VPS36: variants seen among roughly 807,000 people sequenced by gnomAD.
VPS36 encodes vacuolar protein-sorting-associated protein 36.
A neutral mutation model predicts 63.5 loss-of-function variants in VPS36; 31 were observed. The ratio of observed to expected loss-of-function variants is 0.49; its 90% CI spans 0.37 to 0.66. The LOEUF is 0.66. Ranked by LOEUF, VPS36 falls within the 30% of genes least tolerant of loss-of-function variation. The pLI, the probability that VPS36 is intolerant of heterozygous loss-of-function variation, is 0.00. For synonymous variants in VPS36, 138 were observed against 157.2 expected (o/e 0.88, Z 0.91); for missense variants, 338 against 463.7 (o/e 0.73, Z 2.49).
chr13:52,448,468 A>G (rs921187111), intron 1 of VPS36, among the ~76,000 whole-genome samples: 3 of 152,234 alleles, frequency 2.0e-5, no homozygotes, highest in African/African-American at 7.2e-5. Context: ...TTTGGGGCAC[A>G]GTGGTAAGGA....
Position 52,415,604 on chromosome 13 carries a change from T to C in VPS36, c.*226A>G, listed in dbSNP as rs559116922. On this transcript the variant is annotated 3_prime_UTR_variant, in exon 14 of 14. Transcript: ENST00000378060. ...GTTAAACTCTGAGGGTTCTGCACTA[T>C]AGCATGATTTTAAATTCATATTGGC... The C allele has an allele frequency of 1.2e-5, 6 of 502,510 alleles. No homozygotes were observed. The South Asian group carries it at 1.3e-4, about 11-fold the overall frequency. 31.1% of individuals were successfully genotyped at this position (502,510 alleles called of 1,614,324 possible). A position where few individuals can be genotyped will look rare whatever the true frequency, so the allele number is the denominator to read the frequency against.
At chr13:52,450,399 G>A (rs1330230899) in intron 1 of VPS36, 100 bp downstream of exon 1, 15 of 1,333,000 alleles carry the variant, frequency 1.1e-5, no homozygotes, top group East Asian at 1.0e-4. Context: ...GAGCTAAGCC[G>A]GGGACCGGGC....
In VPS36 at chr13:52,413,504, G is replaced by T. The variant is rs1050659227; in HGVS notation, c.*2326C>A. 3.3e-5 allele frequency: 5 copies of T among 152,060 alleles called. No individual in the cohort carries two copies. The East Asian group carries it at 7.7e-4, about 23-fold the overall frequency. The allele number at this position is 152,060 out of a possible 1,614,324, so 9.4% of individuals were successfully genotyped here. A position where few individuals can be genotyped will look rare whatever the true frequency, so the allele number is the denominator to read the frequency against. On this transcript the variant is annotated 3_prime_UTR_variant, in exon 14 of 14. Coordinates refer to ENST00000378060, the MANE Select transcript of VPS36 (RefSeq NM_016075.4). ...TCAGAGTATTTAAAAAGAATGCCAA[G>T]AAAAATCATTTTTAAATTTTGCAAT... is the stretch of plus-strand genomic sequence containing the variant.
At chr13:52,426,500 G>A (rs1168879355) in intron 8 of VPS36, among the ~76,000 whole-genome samples, 2 of 152,172 alleles carry the variant, frequency 1.3e-5, no homozygotes, top group Non-Finnish European at 2.9e-5. Context: ...CATTGAAATA[G>A]CCTTTAATCC....
chr13:52,442,304 C>G, intron 2 of VPS36, 73 bp downstream of exon 2: 1 of 1,393,750 alleles, frequency 7.2e-7, no homozygotes, highest in Non-Finnish European at 9.7e-7. Flanking sequence ...CTAGGCAATA[C>G]AGCGAGACCC....
intron 12 of VPS36, among the ~76,000 whole-genome samples, chr13:52,416,754 C>A (rs1350628445): frequency 6.6e-6 from 1 of 152,148 alleles, no homozygotes; most frequent in East Asian, 1.9e-4. Flanking sequence ...GTTGTAACAT[C>A]TGATAAAGTT....
intron 1 of VPS36, among the ~76,000 whole-genome samples, chr13:52,447,026 C>A (rs1958350699): frequency 6.6e-6 from 1 of 151,944 alleles, no homozygotes. Flanking sequence ...CAGGCACCCG[C>A]CACCACGCCC....
intron 3 of VPS36, among the ~76,000 whole-genome samples, chr13:52,437,797 G>A (rs550384566): frequency 6.6e-6 from 1 of 152,072 alleles, no homozygotes; most frequent in Non-Finnish European, 1.5e-5. Flanking sequence ...GGGCATGGTC[G>A]TGGGCGCCTG....
At chr13:52,418,892 A>G (rs932022090) in intron 10 of VPS36, among the ~76,000 whole-genome samples, 7 of 152,218 alleles carry the variant, frequency 4.6e-5, no homozygotes, top group Admixed American at 1.3e-4. Context: ...TTTCAGTCCC[A>G]CAGGATGGCT....
chr13:52,434,766 T>C, intron 5 of VPS36, 27 bp downstream of exon 5: 1 of 1,592,430 alleles, frequency 6.3e-7, no homozygotes, highest in Non-Finnish European at 8.6e-7. Flanking sequence ...TTGAAAATAC[T>C]GGATTAGCAA....
intron 6 of VPS36, among the ~76,000 whole-genome samples, chr13:52,432,167 T>C (rs1277975182): frequency 1.3e-5 from 2 of 152,134 alleles, no homozygotes; most frequent in African/African-American, 2.4e-5. Context: ...CTGTCTAACA[T>C]GGTGAAACCC....
chr13:52,425,745 AAAC>A (rs1450353821), intron 9 of VPS36, 184 bp downstream of exon 9: 2 of 562,406 alleles, frequency 3.6e-6, no homozygotes, highest in Non-Finnish European at 5.4e-6. Context: ...TGAAAATTAA[AAAC>A]AACTTAGAAA....
chr13:52,423,054 G>A (rs1163037737), intron 10 of VPS36, among the ~76,000 whole-genome samples: 1 of 152,200 alleles, frequency 6.6e-6, no homozygotes, highest in Non-Finnish European at 1.5e-5. Context: ...CACGTAAGAT[G>A]TGACTTGCTC....
At chr13:52,417,607 G>A (rs540668760) in intron 11 of VPS36, among the ~76,000 whole-genome samples, 9 of 152,252 alleles carry the variant, frequency 5.9e-5, no homozygotes, top group Admixed American at 2.6e-4. Flanking sequence ...TGATCTGCCC[G>A]CCTCAGCCTC....
At chr13:52,442,206 C>T (rs950978145) in intron 2 of VPS36, among the ~76,000 whole-genome samples, 171 bp downstream of exon 2, 5 of 152,168 alleles carry the variant, frequency 3.3e-5, no homozygotes, top group Middle Eastern at 3.2e-3. Flanking sequence ...TGATTTAAAA[C>T]CTACAATGGT....
chr13:52,422,232 G>T lies in VPS36; in HGVS notation c.840+1342C>A, dbSNP rs114428747. Reference sequence around the variant, plus strand: ...ATGCAATATTTGTCTTTCTGTGTCTGGCTTACTTCACTTAACATAAGGACT... The same window carrying T: ...ATGCAATATTTGTCTTTCTGTGTCTTGCTTACTTCACTTAACATAAGGACT... On this transcript the variant is annotated intron_variant, in intron 10 of 13. Coordinates refer to ENST00000378060, the MANE Select transcript of VPS36 (RefSeq NM_016075.4). Among the ~76,000 whole-genome samples the T allele has an allele frequency of 7.4e-3, 1,126 of 152,158 alleles. 6 individuals carry two copies. Among genetic ancestry groups the T allele is most frequent in the African/African-American group, 0.017 (702 of 41,512 alleles).
intron 1 of VPS36, 93 bp downstream of exon 1, chr13:52,450,406 G>A: frequency 7.3e-7 from 1 of 1,373,124 alleles, no homozygotes; most frequent in Non-Finnish European, 9.4e-7. Context: ...GCCGGGGACC[G>A]GGCCGCGCCG....
intron 8 of VPS36, among the ~76,000 whole-genome samples, chr13:52,426,685 C>A (rs1389375092): frequency 1.3e-5 from 2 of 152,054 alleles, no homozygotes; most frequent in Non-Finnish European, 2.9e-5. Context: ...GAAACCCGGT[C>A]TCTACTAAAA....
At chr13:52,437,975 T>C (rs1437305080) in intron 3 of VPS36, among the ~76,000 whole-genome samples, 1 of 151,808 alleles carries the variant, frequency 6.6e-6, no homozygotes, top group Admixed American at 6.6e-5. Flanking sequence ...TCAGAGATGT[T>C]AAAAGGTGAA....
Sources: gnomAD v4.1 joint callset for allele counts (sites outside exome capture counted in the v4.1 genomes callset) on GRCh38, gnomAD v4.1.1 for gene constraint, MANE v1.5 for transcripts, NCBI Gene and HGNC (gene_info 2026-07-23, HGNC 2026-07-21) for gene names.